Variants in KIAA1328 observed in about 807,000 individuals in gnomAD.
The protein encoded by KIAA1328 is KIAA1328.
In KIAA1328, 52 loss-of-function variants were observed where a neutral mutation model predicts 68.1. The observed-to-expected ratio is 0.76, with a 90% CI of 0.61 to 0.96. The LOEUF (loss-of-function observed/expected upper bound fraction) is 0.96, where lower values mean the gene tolerates loss of function less well. KIAA1328 is among the 40% of genes least tolerant of loss of function. KIAA1328 has a pLI of 0.00. For missense variants in KIAA1328, 641 were observed against 677.6 expected, an observed-to-expected ratio of 0.95 and a Z score of 0.60; for synonymous variants, 232 against 239.4, an observed-to-expected ratio of 0.97 and a Z score of 0.28.
Position 36,973,830 on chromosome 18 carries a change from T to TACACACACACACACACACACACAC in KIAA1328, c.576+14416_576+14417insCACACACACACACACACACACACA, listed in dbSNP as rs111392122. Among the ~76,000 whole-genome samples, 15 of 147,374 alleles carry TACACACACACACACACACACACAC rather than the reference T, an allele frequency of 1.0e-4. No homozygotes were observed. In the East Asian group the frequency reaches 1.6e-3, roughly 16 times the overall value. Reference sequence around the variant, plus strand: ...ACGCACATACACACACACACACACATACACACACACACACACACACATATA... The same window carrying TACACACACACACACACACACACAC: ...ACGCACATACACACACACACACACATACACACACACACACACACACACACACACACACACACACACACACATATA... On this transcript the variant is annotated intron_variant, in intron 6 of 9. Transcript: ENST00000280020.
At position 36,930,757 on chromosome 18, in the gene KIAA1328, C is replaced by A. The variant is rs867232206; in HGVS notation, c.449-28551C>A. Among the ~76,000 whole-genome samples the A allele has an allele frequency of 9.2e-5, 14 of 151,894 alleles. 1 individual carries two copies. The highest frequency in any genetic ancestry group is 3.4e-4 in the African/African-American group (14 of 41,292). ...CCAAAGTAGATCCTAGTTACAGGAT[C>A]TACTTTGTAATTATTTTTCTGTCTT... On this transcript the variant is annotated intron_variant, in intron 5 of 9. Coordinates refer to ENST00000280020, the MANE Select transcript of KIAA1328 (RefSeq NM_020776.3).
At chr18:36,892,960 T>C (rs1403602714) in intron 5 of KIAA1328, among the ~76,000 whole-genome samples, 1 of 152,176 alleles carries the variant, frequency 6.6e-6, no homozygotes, top group Non-Finnish European at 1.5e-5. Flanking sequence ...GGGTGACTAT[T>C]ACTTACCTAG....
At chr18:37,201,785 T>G (rs921183027) in intron 9 of KIAA1328, among the ~76,000 whole-genome samples, 3 of 152,188 alleles carry the variant, frequency 2.0e-5, no homozygotes, top group African/African-American at 7.2e-5. Context: ...TATCTTGAGA[T>G]TCCTGGCCTA....
At chr18:37,155,993 G>T (rs189282639) in intron 7 of KIAA1328, among the ~76,000 whole-genome samples, 2 of 152,198 alleles carry the variant, frequency 1.3e-5, no homozygotes, top group East Asian at 3.9e-4. Flanking sequence ...ATAAAGTTAG[G>T]TGCCTTGCCC....
intron 6 of KIAA1328, among the ~76,000 whole-genome samples, chr18:36,999,737 A>G (rs932159309): frequency 6.6e-6 from 1 of 152,216 alleles, no homozygotes; most frequent in East Asian, 1.9e-4. Flanking sequence ...TGCTAGAACT[A>G]GACCAGACCT....
intron 7 of KIAA1328, among the ~76,000 whole-genome samples, chr18:37,118,048 A>C (rs1005367060): frequency 6.8e-6 from 1 of 147,036 alleles, no homozygotes; most frequent in Non-Finnish European, 1.5e-5. Flanking sequence ...TTGGTCGCTC[A>C]GGCTGGCACA....
chr18:37,035,035 T>C (rs924839026), intron 6 of KIAA1328, among the ~76,000 whole-genome samples: 3 of 152,232 alleles, frequency 2.0e-5, no homozygotes, highest in African/African-American at 7.2e-5. Context: ...GTATTTACTT[T>C]AATGGAAAAG....
At position 37,224,207 on chromosome 18, in the gene KIAA1328, C is replaced by T. The variant is rs1473935450; in HGVS notation, c.*1980C>T. 2 of 985,336 alleles carry T rather than the reference C, an allele frequency of 2.0e-6. No homozygotes were observed. The highest frequency in any genetic ancestry group is 2.4e-6 in the Non-Finnish European group (2 of 829,950). 61.0% of individuals were successfully genotyped at this position (985,336 alleles called of 1,614,324 possible). A position where few individuals can be genotyped will look rare whatever the true frequency, so the allele number is the denominator to read the frequency against. On this transcript the variant is annotated 3_prime_UTR_variant, in exon 10 of 10. Coordinates refer to ENST00000280020, the MANE Select transcript of KIAA1328 (RefSeq NM_020776.3). ...CATGCCCACAGTCACCCATTCCAGACTCCAGTGTCCTTAAAACTCTGGAGT... is the reference window on the plus strand; with the variant it reads ...CATGCCCACAGTCACCCATTCCAGATTCCAGTGTCCTTAAAACTCTGGAGT...
intron 7 of KIAA1328, among the ~76,000 whole-genome samples, chr18:37,156,515 G>A (rs1347735521): frequency 6.6e-6 from 1 of 150,712 alleles, no homozygotes; most frequent in Non-Finnish European, 1.5e-5. Context: ...TAAGTCCTCT[G>A]TAAATGTTTG....
At chr18:37,119,279 A>G (rs1213128005) in intron 7 of KIAA1328, among the ~76,000 whole-genome samples, 1 of 152,176 alleles carries the variant, frequency 6.6e-6, no homozygotes, top group East Asian at 1.9e-4. Context: ...TAAAGCTTGA[A>G]TGAATGCTGT....
intron 6 of KIAA1328, among the ~76,000 whole-genome samples, chr18:36,980,113 C>T (rs1034812513): frequency 1.3e-5 from 2 of 152,164 alleles, no homozygotes; most frequent in East Asian, 1.9e-4. Flanking sequence ...AGAGAGCAGC[C>T]CTTACTGAAA....
intron 6 of KIAA1328, among the ~76,000 whole-genome samples, chr18:37,002,270 G>A (rs1598940868): frequency 1.1e-5 from 1 of 90,346 alleles, no homozygotes; most frequent in Admixed American, 1.6e-4. Flanking sequence ...TCATTCTGTT[G>A]TGATCATAGC....
Position 37,225,034 on chromosome 18 carries a change from A to G in KIAA1328, c.*2807A>G. 1.0e-6 allele frequency: 1 copy of G among 985,422 alleles called. No individual in the cohort carries two copies. Among genetic ancestry groups the G allele is most frequent in the South Asian group, 4.7e-5 (1 of 21,286 alleles). 61.0% of individuals were successfully genotyped at this position (985,422 alleles called of 1,614,324 possible). On this transcript the variant is annotated 3_prime_UTR_variant, in exon 10 of 10. Transcript: ENST00000280020. ...TGATCCCCATGATGGGGACTTTTCT[A>G]GAGCACCCCAAATGTCATGGGGAGA...
intron 6 of KIAA1328, among the ~76,000 whole-genome samples, chr18:36,977,854 G>T (rs188802680): frequency 7.0e-4 from 107 of 152,068 alleles, no homozygotes; most frequent in Non-Finnish European, 1.1e-3. Flanking sequence ...TGCAGTCTTG[G>T]CTCACTGCAA....
chr18:37,105,916 C>CAAA lies in KIAA1328; in HGVS notation c.1232+38398_1232+38400dup, dbSNP rs58940699. On this transcript the variant is annotated intron_variant, in intron 7 of 9. Coordinates refer to ENST00000280020, the MANE Select transcript of KIAA1328 (RefSeq NM_020776.3). ...TGGTTGACAGAGCAAGACTCTGTGT[C>CAAA]AAAAAAAAAAAAAAAAAAAAAAAAA... 3.2e-3 allele frequency among the ~76,000 whole-genome samples: 63 copies of CAAA among 19,494 alleles called. 3 individuals carry two copies. The highest frequency in any genetic ancestry group is 5.6e-3 in the African/African-American group (48 of 8,544). The allele number at this position is 19,494 out of a possible 152,430, so 12.8% of individuals were successfully genotyped here.
intron 5 of KIAA1328, among the ~76,000 whole-genome samples, chr18:36,916,049 A>G (rs920048472): frequency 5.3e-5 from 8 of 152,130 alleles, no homozygotes; most frequent in African/African-American, 1.2e-4. Flanking sequence ...TTTTCAATGT[A>G]TGTTTCTAAA....
intron 6 of KIAA1328, among the ~76,000 whole-genome samples, chr18:37,054,047 G>GA (rs575330020): frequency 1.0e-3 from 154 of 150,806 alleles, no homozygotes; most frequent in African/African-American, 3.5e-3. Context: ...CAAGAAACAT[G>GA]AAAAAATGCT....
At chr18:36,969,341 G>A (rs2052074708) in intron 6 of KIAA1328, among the ~76,000 whole-genome samples, 1 of 151,886 alleles carries the variant, frequency 6.6e-6, no homozygotes, top group African/African-American at 2.4e-5. Context: ...GATAAACGAA[G>A]CCAGGAGCTG....
chr18:37,045,867 A>C (rs1568332845), intron 6 of KIAA1328, among the ~76,000 whole-genome samples: 1 of 152,218 alleles, frequency 6.6e-6, no homozygotes, highest in African/African-American at 2.4e-5. Context: ...ACATGTGAGG[A>C]ACCAAGATAA....
Sources: allele counts gnomAD v4.1 joint callset (sites outside exome capture counted in the v4.1 genomes callset), GRCh38; gene constraint gnomAD v4.1.1; transcripts MANE v1.5; gene names NCBI Gene and HGNC (gene_info 2026-07-23, HGNC 2026-07-21).